Variants in DCC observed in about 807,000 individuals in gnomAD.
The protein encoded by DCC is DCC netrin 1 receptor.
A neutral mutation model predicts 172.5 loss-of-function variants in DCC; 58 were observed. The observed-to-expected ratio is 0.34, with a 90% confidence interval of 0.27 to 0.42. DCC has a LOEUF of 0.42. Ranked by LOEUF, DCC falls within the 10% of genes least tolerant of loss-of-function variation. The pLI, the probability that DCC is intolerant of heterozygous loss-of-function variation, is 1.00. For missense variants in DCC, 1,740 were observed against 1,791.0 expected (o/e 0.97, Z 0.51); for synonymous variants, 709 against 644.5 (o/e 1.10, Z -1.52).
intron 5 of DCC, among the ~76,000 whole-genome samples, chr18:53,041,720 G>C (rs1462118202): frequency 6.6e-6 from 1 of 152,090 alleles, no homozygotes; most frequent in Non-Finnish European, 1.5e-5. Context: ...TCCTTGAAGA[G>C]GTCCTTCACA....
intron 7 of DCC, among the ~76,000 whole-genome samples, chr18:53,154,697 G>C (rs2144389189): frequency 6.6e-6 from 1 of 152,226 alleles, no homozygotes; most frequent in Middle Eastern, 3.4e-3. Flanking sequence ...GGGAACCCTA[G>C]CATGCGGTGA....
rs970684184 is a variant in DCC, at chr18:52,582,082, A to G, written c.92-169972A>G. Among the ~76,000 whole-genome samples the G allele has an allele frequency of 3.3e-5, 5 of 152,306 alleles. No homozygotes were observed. In the East Asian group the frequency reaches 9.6e-4, roughly 29 times the overall value. Reference sequence around the variant, plus strand: ...TCATCTGCTAGACAAGGCATCTACAAAGCTCTATTAATTCATCATAAATAC... The same window carrying G: ...TCATCTGCTAGACAAGGCATCTACAGAGCTCTATTAATTCATCATAAATAC... On this transcript the variant is annotated intron_variant, in intron 1 of 28. Transcript: ENST00000442544.
chr18:53,141,928 G>C (rs984999065), intron 7 of DCC, among the ~76,000 whole-genome samples: 1 of 152,150 alleles, frequency 6.6e-6, no homozygotes, highest in African/African-American at 2.4e-5. Flanking sequence ...ATGTCCATAT[G>C]CTCATATGCT....
In DCC at chr18:52,427,863, C is replaced by T. The variant is rs558500611; in HGVS notation, c.91+86985C>T. On this transcript the variant is annotated intron_variant, in intron 1 of 28. Coordinates refer to ENST00000442544, the MANE Select transcript of DCC (RefSeq NM_005215.4). ...TCCTTCCTTCCTTCCTTCCTTCCTT[C>T]CTTCCTTCCTTCCTTCCTTCCTTCC... Among the ~76,000 whole-genome samples, 262 of 145,486 alleles carry T rather than the reference C, an allele frequency of 1.8e-3. 3 individuals are homozygous for T. The highest frequency in any genetic ancestry group is 6.3e-3 in the African/African-American group (247 of 39,398).
chr18:52,624,160 T>G (rs994812408), intron 1 of DCC, among the ~76,000 whole-genome samples: 2 of 152,038 alleles, frequency 1.3e-5, no homozygotes. Flanking sequence ...TCAAAGTCAC[T>G]CCATTAACCA....
intron 1 of DCC, among the ~76,000 whole-genome samples, chr18:52,427,355 C>A (rs980280438): frequency 2.6e-5 from 4 of 151,828 alleles, no homozygotes; most frequent in African/African-American, 9.7e-5. Flanking sequence ...TCTATGATCA[C>A]TTTTTGAGAA....
At chr18:53,057,119 T>C (rs917334203) in intron 5 of DCC, among the ~76,000 whole-genome samples, 1 of 140,766 alleles carries the variant, frequency 7.1e-6, no homozygotes, top group Admixed American at 7.1e-5. Flanking sequence ...TCTTCACCTA[T>C]ATGGGGTGTT....
At chr18:53,025,648 T>C (rs929800385) in intron 5 of DCC, among the ~76,000 whole-genome samples, 11 of 152,194 alleles carry the variant, frequency 7.2e-5, no homozygotes, top group Admixed American at 5.2e-4. Context: ...ACCCAAAAGT[T>C]ATATTTATCA....
At chr18:52,345,071 C>T (rs1983820846) in intron 1 of DCC, among the ~76,000 whole-genome samples, 1 of 152,132 alleles carries the variant, frequency 6.6e-6, no homozygotes, top group South Asian at 2.1e-4. Context: ...GAAACTTGCA[C>T]CAAATTGGGA....
At chr18:52,800,762 C>T (rs547129938) in intron 2 of DCC, among the ~76,000 whole-genome samples, 2 of 152,248 alleles carry the variant, frequency 1.3e-5, no homozygotes, top group Non-Finnish European at 2.9e-5. Flanking sequence ...AGAGTAAAAG[C>T]AAGAGAAGTT....
chr18:53,238,882 T>A (rs2056244146), intron 12 of DCC, among the ~76,000 whole-genome samples: 1 of 152,116 alleles, frequency 6.6e-6, no homozygotes, highest in Admixed American at 6.6e-5. Context: ...TTATGTGTCA[T>A]GTAAATTAGC....
rs1446041084 is a variant in DCC, at chr18:53,043,122, G to C, written c.986-20183G>C. ...AAAAATGTGGCACATATACACCATG[G>C]AATACTATGCCTCCGTAAAAAAGAA... On this transcript the variant is annotated intron_variant, in intron 5 of 28. Transcript: ENST00000442544. Among the ~76,000 whole-genome samples, 11 of 152,068 alleles carry C rather than the reference G, an allele frequency of 7.2e-5. No homozygotes were observed. The South Asian group carries it at 1.7e-3, about 23-fold the overall frequency.
At chr18:52,653,531 A>G (rs113373473) in intron 1 of DCC, among the ~76,000 whole-genome samples, 14 of 152,338 alleles carry the variant, frequency 9.2e-5, no homozygotes, top group African/African-American at 3.4e-4. Context: ...ACACAATCTG[A>G]TAAATGCTAT....
intron 7 of DCC, among the ~76,000 whole-genome samples, chr18:53,123,191 G>C (rs2043506866): frequency 6.6e-6 from 1 of 152,028 alleles, no homozygotes; most frequent in Non-Finnish European, 1.5e-5. Context: ...AGGGTACTAG[G>C]AAAATATGTA....
intron 12 of DCC, among the ~76,000 whole-genome samples, chr18:53,285,005 C>G (rs1338426584): frequency 6.6e-6 from 1 of 152,042 alleles, no homozygotes; most frequent in Non-Finnish European, 1.5e-5. Context: ...AATTTCTAAG[C>G]AGCAAAGCAT....
chr18:53,360,792 G>T (rs1239888015), intron 15 of DCC, among the ~76,000 whole-genome samples: 1 of 152,104 alleles, frequency 6.6e-6, no homozygotes, highest in Non-Finnish European at 1.5e-5. Context: ...TGACATAAGG[G>T]ATCATTTTCT....
chr18:52,656,544 C>T (rs574813168), intron 1 of DCC, among the ~76,000 whole-genome samples: 37 of 104,752 alleles, frequency 3.5e-4, no homozygotes, highest in African/African-American at 9.6e-4. Context: ...TTGCATTCTA[C>T]TTACATGTTG....
At chr18:52,484,919 T>G (rs1282603932) in intron 1 of DCC, among the ~76,000 whole-genome samples, 1 of 152,144 alleles carries the variant, frequency 6.6e-6, no homozygotes, top group African/African-American at 2.4e-5. Context: ...TTTTGTTGTC[T>G]GATTGATATT....
intron 7 of DCC, among the ~76,000 whole-genome samples, chr18:53,075,421 C>T (rs1280063713): frequency 6.6e-6 from 1 of 152,036 alleles, no homozygotes; most frequent in African/African-American, 2.4e-5. Context: ...ATGAATTCTG[C>T]AGTAATATGA....
Sources: allele counts gnomAD v4.1 joint callset (sites outside exome capture counted in the v4.1 genomes callset), GRCh38; gene constraint gnomAD v4.1.1; transcripts MANE v1.5; gene names NCBI Gene and HGNC (gene_info 2026-07-23, HGNC 2026-07-21).